Variants in RDM1 observed in about 807,000 individuals in gnomAD.
The protein encoded by RDM1 is RAD52 motif-containing protein 1.
Under a neutral mutation model 27.7 loss-of-function variants are expected in RDM1, and 28 were observed. The ratio of observed to expected loss-of-function variants is 1.01; its 90% CI spans 0.75 to 1.39. RDM1 has a LOEUF of 1.39. Among genes scored for constraint, RDM1 ranks in the 40% most tolerant of loss-of-function variants. RDM1 has a pLI of 0.00. For missense variants in RDM1, 277 were observed against 337.3 expected, an observed-to-expected ratio of 0.82 and a Z score of 1.40; for synonymous variants, 124 against 127.5, an observed-to-expected ratio of 0.97 and a Z score of 0.19.
rs753901576 is a variant in RDM1, at chr17:35,924,610, C to T, written c.562G>A (p.Glu188Lys). 6.8e-6 allele frequency: 11 copies of T among 1,612,472 alleles called. No homozygotes were observed. The South Asian group carries it at 1.1e-4, about 16-fold the overall frequency. Residue 188 changes from glutamate (E) to lysine (K), a missense_variant, in exon 4 of 7, where the codon GAG becomes AAG. Glu to Lys is a moderately conservative substitution (Grantham distance 56). Transcript: ENST00000620284. The stretch of plus-strand genomic sequence containing the variant: ...ACTCCCAGTGAAAACAGACCTTCCT[C>T]CACCTTATCCATAGGCTCCTCCACC... ...GLVEEPMDKV[E>K]EGPLSFLMKR...
chr17:35,924,873 C>A, intron 3 of RDM1, 101 bp from the exon 4 acceptor site: 1 of 1,149,968 alleles, frequency 8.7e-7, no homozygotes, highest in East Asian at 2.5e-5. Context: ...TGGTGGTTCA[C>A]GCCTGTAATC....
intron 6 of RDM1, among the ~76,000 whole-genome samples, chr17:35,919,753 G>C (rs2702949): frequency 6.6e-6 from 1 of 152,124 alleles, no homozygotes; most frequent in Non-Finnish European, 1.5e-5. Flanking sequence ...CAAGATATAC[G>C]TGAGATATTG....
intron 2 of RDM1, among the ~76,000 whole-genome samples, chr17:35,926,486 C>T (rs1279051829): frequency 6.6e-6 from 1 of 152,110 alleles, no homozygotes; most frequent in Non-Finnish European, 1.5e-5. Flanking sequence ...TCACTGCAAG[C>T]TCCGCCTGCC....
intron 6 of RDM1, 27 bp downstream of exon 6, chr17:35,920,160 T>C: frequency 8.8e-7 from 1 of 1,138,754 alleles, no homozygotes; most frequent in Non-Finnish European, 1.3e-6. Context: ...CTGGCTATGT[T>C]ACCCCTGAGT....
At chr17:35,927,460 C>A (rs1027507008) in intron 2 of RDM1, among the ~76,000 whole-genome samples, 8 of 151,878 alleles carry the variant, frequency 5.3e-5, no homozygotes, top group African/African-American at 1.5e-4. Flanking sequence ...AACGAAAAAA[C>A]CAAACAAAAA....
Position 35,918,453 on chromosome 17 carries a change from G to A in RDM1, c.754-10C>T. 3.7e-6 allele frequency: 6 copies of A among 1,608,952 alleles called. No individual in the cohort carries two copies. Among genetic ancestry groups the A allele is most frequent in the South Asian group, 1.1e-5 (1 of 90,960 alleles). On this transcript the variant is annotated splice_polypyrimidine_tract_variant and intron_variant, in intron 6 of 6. Transcript: ENST00000620284. Reference sequence around the variant, plus strand: ...AGGGAGAGCAAGGGACCTGCAAAATGTGCGCTAGTTAGGGTGGCAGGCAGA... The same window carrying A: ...AGGGAGAGCAAGGGACCTGCAAAATATGCGCTAGTTAGGGTGGCAGGCAGA...
intron 5 of RDM1, 165 bp downstream of exon 5, chr17:35,922,412 G>A (rs2088976904): frequency 1.2e-6 from 1 of 838,812 alleles, no homozygotes; most frequent in African/African-American, 1.8e-5. Flanking sequence ...TTTCACAAAT[G>A]TCACACAGAA....
In RDM1 at chr17:35,921,459, T is replaced by C. The variant is rs544801591; in HGVS notation, c.667+1118A>G. ...TGTTCAGGGACTCTTTGCTAATCAT[T>C]AGGCTTCCTTTGGGCACAGCCTATA... is the stretch of plus-strand genomic sequence containing the variant. On this transcript the variant is annotated intron_variant, in intron 5 of 6. Coordinates refer to ENST00000620284, the MANE Select transcript of RDM1 (RefSeq NM_145654.4). 3.9e-5 allele frequency among the ~76,000 whole-genome samples: 6 copies of C among 152,340 alleles called. No homozygotes were observed. The South Asian group carries it at 1.2e-3, about 32-fold the overall frequency.
At chr17:35,922,519 ATG>A (rs1184820657) in intron 5 of RDM1, 56 bp downstream of exon 5, 1 of 1,578,016 alleles carries the variant, frequency 6.3e-7, no homozygotes, top group African/African-American at 1.4e-5. Context: ...ACTTTTCAAA[ATG>A]AGTTTATTTG....
Position 35,918,291 on chromosome 17 carries a change from C to A in RDM1, c.*51G>T, listed in dbSNP as rs772202288. On this transcript the variant is annotated 3_prime_UTR_variant, in exon 7 of 7. Transcript: ENST00000620284. ...GGGGCGGCGTGGGGTAGGGGCACGA[C>A]AGAGCTTCCCAAGGAAGTTACATGA... is the stretch of plus-strand genomic sequence containing the variant. 6.5e-7 allele frequency: 1 copy of A among 1,535,912 alleles called. No homozygotes were observed. Among genetic ancestry groups the A allele is most frequent in the East Asian group, 2.2e-5 (1 of 44,508 alleles).
In RDM1 at chr17:35,930,667, C is replaced by G. The variant is rs761861258; in HGVS notation, c.61G>C (p.Glu21Gln). Residue 21 changes from glutamate (E) to glutamine (Q), a missense_variant, in exon 1 of 7, where the codon GAG becomes CAG. Transcript: ENST00000620284. ...TCGGCCGTGGGTCCGGAGCTCAGCT[C>G]CCACACTAGCAAGGTTTTGTCACTC... ...IESDKTLLVW[E>Q]LSSGPTAEAL... 1.2e-5 allele frequency: 19 copies of G among 1,613,792 alleles called. 1 individual carries two copies. The highest frequency in any genetic ancestry group is 1.6e-5 in the Non-Finnish European group (19 of 1,180,022).
intron 1 of RDM1, 74 bp downstream of exon 1, chr17:35,930,558 G>T: frequency 7.1e-7 from 1 of 1,407,728 alleles, no homozygotes; most frequent in Non-Finnish European, 9.8e-7. Flanking sequence ...AGGGTCTGAG[G>T]CAGGACTCCG....
At chr17:35,920,452 C>CTTTTT (rs1480971958) in intron 5 of RDM1, among the ~76,000 whole-genome samples, 180 bp from the exon 6 acceptor site, 9 of 119,544 alleles carry the variant, frequency 7.5e-5, no homozygotes, top group African/African-American at 3.0e-4. Flanking sequence ...TTCTTTCTTT[C>CTTTTT]TTTCTTTTTT....
chr17:35,919,941 C>T (rs2088879248), intron 6 of RDM1, among the ~76,000 whole-genome samples: 1 of 152,178 alleles, frequency 6.6e-6, no homozygotes, highest in Admixed American at 6.5e-5. Flanking sequence ...AGACTAATCC[C>T]TCTCCTGTGT....
intron 2 of RDM1, among the ~76,000 whole-genome samples, chr17:35,926,468 A>G (rs1236093902): frequency 6.6e-6 from 1 of 151,686 alleles, no homozygotes; most frequent in Non-Finnish European, 1.5e-5. Flanking sequence ...CAGTGGCGCG[A>G]TCTTGGCTCA....
At position 35,918,464 on chromosome 17, in the gene RDM1, A is replaced by G. The variant is rs759701038; in HGVS notation, c.754-21T>C. The G allele has an allele frequency of 3.8e-6, 6 of 1,592,114 alleles. No individual in the cohort carries two copies. The South Asian group carries it at 6.6e-5, about 18-fold the overall frequency. Reference sequence around the variant, plus strand: ...GGGACCTGCAAAATGTGCGCTAGTTAGGGTGGCAGGCAGAACGCACATTAC... The same window carrying G: ...GGGACCTGCAAAATGTGCGCTAGTTGGGGTGGCAGGCAGAACGCACATTAC... On this transcript the variant is annotated intron_variant, in intron 6 of 6. Coordinates refer to ENST00000620284, the MANE Select transcript of RDM1 (RefSeq NM_145654.4).
At chr17:35,925,119 C>G (rs555256335) in intron 3 of RDM1, among the ~76,000 whole-genome samples, 1 of 151,826 alleles carries the variant, frequency 6.6e-6, no homozygotes, top group Admixed American at 6.6e-5. Context: ...GATGACACAG[C>G]GAGCCTCTGT....
chr17:35,923,328 C>G (rs1249346534), intron 4 of RDM1, among the ~76,000 whole-genome samples: 1 of 126,118 alleles, frequency 7.9e-6, no homozygotes, highest in Admixed American at 9.8e-5. Context: ...CCAGCCTGGG[C>G]GACAGAGTGA....
chr17:35,919,553 TA>T (rs1239395272), intron 6 of RDM1, among the ~76,000 whole-genome samples: 3 of 152,218 alleles, frequency 2.0e-5, no homozygotes, highest in African/African-American at 7.2e-5. Flanking sequence ...GGTATTTATG[TA>T]TGTAAAATGG....
Sources: gnomAD v4.1 joint callset for allele counts (sites outside exome capture counted in the v4.1 genomes callset) on GRCh38, gnomAD v4.1.1 for gene constraint, MANE v1.5 for transcripts, NCBI Gene and HGNC (gene_info 2026-07-23, HGNC 2026-07-21) for gene names.